STARD13: variants seen among roughly 807,000 people sequenced by gnomAD.
The protein encoded by STARD13 is StAR related lipid transfer domain containing 13.
A neutral mutation model predicts 106.4 loss-of-function variants in STARD13; 62 were observed. That is an observed-to-expected ratio of 0.58 (90% confidence interval 0.48 to 0.72). The LOEUF (loss-of-function observed/expected upper bound fraction) is 0.72. Among genes scored for constraint, STARD13 ranks in the 30% least tolerant of loss-of-function variants. STARD13 has a pLI of 0.00. For missense variants in STARD13, 1,387 were observed against 1,424.0 expected (o/e 0.97, Z 0.42); for synonymous variants, 565 against 553.0 (o/e 1.02, Z -0.31).
chr13:33,536,368 A>G, the STARD13 span, among the ~76,000 whole-genome samples: 3 of 152,214 alleles, frequency 2.0e-5, no homozygotes, highest in African/African-American at 2.4e-5. Context: ...TGTTTATTCT[A>G]TAAGTTAGGA....
intron 3 of STARD13, among the ~76,000 whole-genome samples, chr13:33,146,570 G>A (rs1880574952): frequency 6.6e-6 from 1 of 152,134 alleles, no homozygotes; most frequent in African/African-American, 2.4e-5. Flanking sequence ...ATGCTTTGGT[G>A]ATTTTTTGGA....
At position 33,106,855 on chromosome 13, in the gene STARD13, C is replaced by G. The variant is rs1873792733; in HGVS notation, c.3127G>C (p.Gly1043Arg). 2.5e-6 allele frequency: 4 copies of G among 1,614,068 alleles called. No homozygotes were observed. In the South Asian group the frequency reaches 4.4e-5, roughly 18 times the overall value. ...SVEHEEAQLL[G>R]GVRAVVMDSQ... is the part of the protein sequence containing the mutation. The stretch of plus-strand genomic sequence containing the variant: ...TCCATCACCACTGCTCGCACACCAC[C>G]CAGGAGCTGGGCTTCCTCATGCTCC... Residue 1043 changes from glycine (G) to arginine (R), a missense_variant, in exon 13 of 14, where the codon GGT becomes CGT. By Grantham distance (125) the Gly-to-Arg change is moderately radical (BLOSUM62 -2). Coordinates refer to ENST00000336934, the MANE Select transcript of STARD13 (RefSeq NM_178006.4).
At chr13:33,436,408 T>A in the STARD13 span, among the ~76,000 whole-genome samples, 1 of 152,182 alleles carries the variant, frequency 6.6e-6, no homozygotes, top group Non-Finnish European at 1.5e-5. Context: ...GAAATGATAA[T>A]ACATACAATG....
the STARD13 span, among the ~76,000 whole-genome samples, chr13:33,461,967 T>C: frequency 6.6e-6 from 1 of 152,198 alleles, no homozygotes; most frequent in African/African-American, 2.4e-5. Context: ...TTCTCTCTAA[T>C]TTTTAAATTA....
At chr13:33,117,972 T>A in intron 8 of STARD13, 93 bp downstream of exon 8, 1 of 1,573,922 alleles carries the variant, frequency 6.4e-7, no homozygotes, top group Non-Finnish European at 8.6e-7. Context: ...ATTGATGTAT[T>A]ATTCGTATAA....
At chr13:33,165,552 T>A in intron 2 of STARD13, 134 bp from the exon 3 acceptor site, 1 of 680,564 alleles carries the variant, frequency 1.5e-6, no homozygotes, top group Admixed American at 2.8e-5. Context: ...TTGGGAATGT[T>A]TAAGAGAGCA....
chr13:33,162,767 T>C (rs1228060398), intron 3 of STARD13, among the ~76,000 whole-genome samples: 1 of 143,366 alleles, frequency 7.0e-6, no homozygotes, highest in Non-Finnish European at 1.5e-5. Context: ...TTTTTTTTTT[T>C]CAAAGCCAAT....
intron 4 of STARD13, among the ~76,000 whole-genome samples, chr13:33,135,882 G>A (rs1234311444): frequency 6.6e-6 from 1 of 152,140 alleles, no homozygotes; most frequent in Non-Finnish European, 1.5e-5. Context: ...CAGCACTTTG[G>A]AAGGCCGAGG....
the STARD13 span, among the ~76,000 whole-genome samples, chr13:33,543,651 C>T: frequency 2.0e-5 from 3 of 152,176 alleles, no homozygotes; most frequent in African/African-American, 4.8e-5. Context: ...TAATGCTTCT[C>T]AAACTGGAGC....
At chr13:33,364,037 G>C in the STARD13 span, among the ~76,000 whole-genome samples, 2 of 152,206 alleles carry the variant, frequency 1.3e-5, no homozygotes, top group Non-Finnish European at 2.9e-5. Context: ...TAATAGCCAT[G>C]CATTATGGGT....
chr13:33,283,504 A>G (rs757454848), intron 1 of STARD13, among the ~76,000 whole-genome samples: 1 of 152,218 alleles, frequency 6.6e-6, no homozygotes, highest in Non-Finnish European at 1.5e-5. Flanking sequence ...ATTACAGTAA[A>G]CCAATCTTCT....
chr13:33,594,722 A>G, the STARD13 span, among the ~76,000 whole-genome samples: 1 of 152,182 alleles, frequency 6.6e-6, no homozygotes, highest in Non-Finnish European at 1.5e-5. Context: ...CTTTCTGTCT[A>G]TAAATTTGCC....
At chr13:33,634,512 A>AT in the STARD13 span, among the ~76,000 whole-genome samples, 25 of 152,156 alleles carry the variant, frequency 1.6e-4, no homozygotes, top group Admixed American at 3.3e-4. Flanking sequence ...GTCCCAAGCT[A>AT]TTTTTTTCTT....
In STARD13 at chr13:33,322,072, T is replaced by C. The variant is rs565112452; in HGVS notation, c.124+28218A>G. 5.9e-5 allele frequency among the ~76,000 whole-genome samples: 9 copies of C among 152,348 alleles called. No homozygotes were observed. The South Asian group carries it at 6.2e-4, about 11-fold the overall frequency. ...AGTAGTGTTCAGCAGATACTATCAATTCACAGCTCATTAATCACAGTGTTG... is the reference window on the plus strand; with the variant it reads ...AGTAGTGTTCAGCAGATACTATCAACTCACAGCTCATTAATCACAGTGTTG... On this transcript the variant is annotated intron_variant, in intron 1 of 5. Transcript: ENST00000567873.
the STARD13 span, among the ~76,000 whole-genome samples, chr13:33,494,447 C>T: frequency 6.6e-6 from 1 of 151,954 alleles, no homozygotes; most frequent in African/African-American, 2.4e-5. Context: ...TTTGTTGATT[C>T]GAATGAATAA....
chr13:33,429,917 A>C, the STARD13 span, among the ~76,000 whole-genome samples: 2 of 135,536 alleles, frequency 1.5e-5, no homozygotes, highest in Non-Finnish European at 3.0e-5. Context: ...ACTTAATTGT[A>C]CTTTTTTTTT....
At chr13:33,537,382 T>G in the STARD13 span, among the ~76,000 whole-genome samples, 1 of 152,214 alleles carries the variant, frequency 6.6e-6, no homozygotes, top group Non-Finnish European at 1.5e-5. Context: ...ATAAATAATT[T>G]TAAAAACAAT....
the STARD13 span, among the ~76,000 whole-genome samples, chr13:33,614,496 G>T: frequency 2.0e-4 from 30 of 152,246 alleles, no homozygotes; most frequent in African/African-American, 7.2e-4. Context: ...CCACCCTTCC[G>T]CATGTCAGGG....
chr13:33,358,013 G>C, the STARD13 span, among the ~76,000 whole-genome samples: 4 of 152,234 alleles, frequency 2.6e-5, no homozygotes, highest in Non-Finnish European at 1.5e-5. Context: ...GGCTGCGTGC[G>C]GCGCTTGCGG....
Sources: allele counts gnomAD v4.1 joint callset (sites outside exome capture counted in the v4.1 genomes callset), GRCh38; gene constraint gnomAD v4.1.1; transcripts MANE v1.5; gene names NCBI Gene and HGNC (gene_info 2026-07-23, HGNC 2026-07-21).